The following TCERG1L variants were observed in gnomAD, a reference collection of about 807,000 sequenced individuals.
The protein encoded by TCERG1L is transcription elongation regulator 1 like.
Under a neutral mutation model 56.3 loss-of-function variants are expected in TCERG1L, and 37 were observed. The observed-to-expected ratio is 0.66, with a 90% confidence interval of 0.51 to 0.87. The LOEUF is 0.87. Ranked by LOEUF, TCERG1L falls within the 40% of genes least tolerant of loss-of-function variation. The pLI, the probability that TCERG1L is intolerant of heterozygous loss-of-function variation, is 0.00. For missense variants in TCERG1L, 799 were observed against 774.2 expected, an observed-to-expected ratio of 1.03 and a Z score of -0.38; for synonymous variants, 324 against 326.3, an observed-to-expected ratio of 0.99 and a Z score of 0.08.
At chr10:131,160,174 C>A (rs1428405037) in intron 6 of TCERG1L, among the ~76,000 whole-genome samples, 1 of 152,168 alleles carries the variant, frequency 6.6e-6, no homozygotes, top group African/African-American at 2.4e-5. Flanking sequence ...GGTATTAGTT[C>A]GTCTCGTAAC....
At chr10:131,127,941 C>T (rs1039781344) in intron 8 of TCERG1L, among the ~76,000 whole-genome samples, 1 of 152,100 alleles carries the variant, frequency 6.6e-6, no homozygotes, top group Non-Finnish European at 1.5e-5. Flanking sequence ...CCCCAGGTGG[C>T]AGAGGAACCA....
chr10:131,252,451 C>T (rs1379316858), intron 4 of TCERG1L, among the ~76,000 whole-genome samples: 2 of 152,108 alleles, frequency 1.3e-5, no homozygotes, highest in African/African-American at 4.8e-5. Context: ...GGAACATGGG[C>T]CTGAATGTCA....
At chr10:131,107,907 A>G (rs544149440) in intron 9 of TCERG1L, among the ~76,000 whole-genome samples, 4 of 152,252 alleles carry the variant, frequency 2.6e-5, no homozygotes, top group African/African-American at 7.2e-5. Context: ...ACAAATGCAC[A>G]CATACGCACA....
rs1369261269 is a variant in TCERG1L at position 131,106,065 on chromosome 10, G to T, written c.1396-1711C>A. 4.6e-5 allele frequency among the ~76,000 whole-genome samples: 7 copies of T among 152,356 alleles called. No individual in the cohort carries two copies. The South Asian group carries it at 1.2e-3, about 27-fold the overall frequency. ...TTCCTAGAACGGTGTTAGAAACCAA[G>T]ATCCAGGCACTGGTGTGTTCATTGC... is the stretch of plus-strand genomic sequence containing the variant. On this transcript the variant is annotated intron_variant, in intron 9 of 11. Transcript: ENST00000368642.
At chr10:131,162,954 G>A in intron 6 of TCERG1L, 168 bp downstream of exon 6, 1 of 531,242 alleles carries the variant, frequency 1.9e-6, no homozygotes, top group Non-Finnish European at 3.3e-6. Flanking sequence ...TTTTCTTTCT[G>A]CAGAATGTGA....
chr10:131,308,198 T>C lies in TCERG1L; in HGVS notation c.670+13A>G, dbSNP rs1410470657. 1.9e-6 allele frequency: 3 copies of C among 1,591,380 alleles called. No individual in the cohort carries two copies. The highest frequency in any genetic ancestry group is 2.2e-5 in the East Asian group (1 of 44,586). On this transcript the variant is annotated intron_variant, in intron 3 of 11. Coordinates refer to ENST00000368642, the MANE Select transcript of TCERG1L (RefSeq NM_174937.4). ...AATGAAACAGACATTGTCAATGTTA[T>C]TTGGGCACCAACCTGGGATGGGCTG...
At chr10:131,148,499 C>T (rs1285053085) in intron 6 of TCERG1L, among the ~76,000 whole-genome samples, 1 of 151,750 alleles carries the variant, frequency 6.6e-6, no homozygotes, top group African/African-American at 2.4e-5. Flanking sequence ...CATATATACA[C>T]ACACAAAGGG....
intron 11 of TCERG1L, among the ~76,000 whole-genome samples, chr10:131,093,743 C>T (rs1188198065): frequency 6.6e-6 from 1 of 152,180 alleles, no homozygotes; most frequent in Non-Finnish European, 1.5e-5. Flanking sequence ...TTGTTTCTTC[C>T]CCCAGTTAGA....
rs112100971 is a variant in TCERG1L at position 131,289,860 on chromosome 10, T to C, written c.670+18351A>G. 3.2e-4 allele frequency among the ~76,000 whole-genome samples: 3 copies of C among 9,486 alleles called. 1 individual carries two copies. The highest frequency in any genetic ancestry group is 6.8e-4 in the Non-Finnish European group (2 of 2,936). 6.2% of individuals were successfully genotyped at this position (9,486 alleles called of 152,430 possible). On this transcript the variant is annotated intron_variant, in intron 3 of 11. Transcript: ENST00000368642. ...GGTGTGTGTGTGTGTATGTGTGCAC[T>C]GCTGTGTGTGAGCAGGTGTGCACTG...
intron 4 of TCERG1L, among the ~76,000 whole-genome samples, chr10:131,208,944 G>C (rs1449697737): frequency 2.0e-5 from 3 of 151,976 alleles, no homozygotes; most frequent in Non-Finnish European, 4.4e-5. Flanking sequence ...TGTAGTCCCA[G>C]CTACTCGGGA....
chr10:131,292,919 C>T (rs1184705735), intron 3 of TCERG1L, among the ~76,000 whole-genome samples: 2 of 151,010 alleles, frequency 1.3e-5, no homozygotes, highest in African/African-American at 2.4e-5. Context: ...GGTGCGATCT[C>T]GGCTCACTGC....
intron 4 of TCERG1L, among the ~76,000 whole-genome samples, chr10:131,181,537 C>A (rs932232844): frequency 1.3e-5 from 2 of 152,260 alleles, no homozygotes; most frequent in African/African-American, 4.8e-5. Flanking sequence ...ACATTCAGTG[C>A]CATGCACAGG....
At chr10:131,134,470 AG>A (rs1339804898) in intron 7 of TCERG1L, 22 bp from the exon 8 acceptor site, 2 of 1,573,304 alleles carry the variant, frequency 1.3e-6, no homozygotes, top group Admixed American at 3.7e-5. Flanking sequence ...TCAGATGAAC[AG>A]GGTTAGAGTT....
rs59816491 is a variant in TCERG1L at position 131,191,864 on chromosome 10, CAAAAAAAAAAAAAAAAAAAAA to C, written c.857-25000_857-24980del. ...TGGGGGACAGAGCAAGACTCCGTCTCAAAAAAAAAAAAAAAAAAAAAAAAAGAAAAAAAGAAAAAGACCTGA... is the reference window on the plus strand; with the variant it reads ...TGGGGGACAGAGCAAGACTCCGTCTCAAAAGAAAAAAAGAAAAAGACCTGA... On this transcript the variant is annotated intron_variant, in intron 4 of 11. Coordinates refer to ENST00000368642, the MANE Select transcript of TCERG1L (RefSeq NM_174937.4). Among the ~76,000 whole-genome samples, 2 of 28,704 alleles carry C rather than the reference CAAAAAAAAAAAAAAAAAAAAA, an allele frequency of 7.0e-5. 1 individual carries two copies. Among genetic ancestry groups the C allele is most frequent in the African/African-American group, 3.1e-4 (2 of 6,410 alleles). The allele number at this position is 28,704 out of a possible 152,430, so 18.8% of individuals were successfully genotyped here. A position where few individuals can be genotyped will look rare whatever the true frequency, so the allele number is the denominator to read the frequency against.
chr10:131,245,739 G>T (rs1459361839), intron 4 of TCERG1L, among the ~76,000 whole-genome samples: 2 of 152,222 alleles, frequency 1.3e-5, no homozygotes, highest in East Asian at 1.9e-4. Flanking sequence ...TCCTCATAAA[G>T]AGCTGGTCGA....
chr10:131,229,768 TAAATA>T (rs1261016303), intron 4 of TCERG1L, among the ~76,000 whole-genome samples: 1 of 152,044 alleles, frequency 6.6e-6, no homozygotes, highest in East Asian at 1.9e-4. Context: ...CTCCTAGAGG[TAAATA>T]AAATTTTTAA....
intron 4 of TCERG1L, among the ~76,000 whole-genome samples, chr10:131,238,933 C>T (rs1467120396): frequency 6.6e-6 from 1 of 152,236 alleles, no homozygotes; most frequent in Non-Finnish European, 1.5e-5. Context: ...CGTCCCCATG[C>T]AGTGGGTGGT....
In TCERG1L at chr10:131,092,942, C is replaced by T. The variant is rs572964525; in HGVS notation, c.*220G>A. The T allele has an allele frequency of 1.2e-4, 59 of 499,702 alleles. No individual in the cohort carries two copies. The highest frequency in any genetic ancestry group is 8.1e-4 in the East Asian group (25 of 30,912). 31.0% of individuals were successfully genotyped at this position (499,702 alleles called of 1,614,324 possible). ...ATAATTAAAACAATTAAGGGATCGA[C>T]GTATCACGGTGATTAGAAATGCATC... On this transcript the variant is annotated 3_prime_UTR_variant, in exon 12 of 12. Transcript: ENST00000368642.
At chr10:131,155,175 T>C (rs1845906320) in intron 6 of TCERG1L, among the ~76,000 whole-genome samples, 1 of 152,216 alleles carries the variant, frequency 6.6e-6, no homozygotes, top group African/African-American at 2.4e-5. Flanking sequence ...CGGAGGCTTC[T>C]TGGCTGAAAA....
Sources: gnomAD v4.1 joint callset for allele counts (sites outside exome capture counted in the v4.1 genomes callset) on GRCh38, gnomAD v4.1.1 for gene constraint, MANE v1.5 for transcripts, NCBI Gene and HGNC (gene_info 2026-07-23, HGNC 2026-07-21) for gene names.